Variants in CRACDL observed in about 807,000 individuals in gnomAD.
CRACDL encodes CRACD like.
In CRACDL, 26 loss-of-function variants were observed where a neutral mutation model predicts 70.6. The observed-to-expected ratio is 0.37, with a 90% CI of 0.27 to 0.51. CRACDL has a LOEUF of 0.51. Ranked by LOEUF, CRACDL falls within the 20% of genes least tolerant of loss-of-function variation. CRACDL has a pLI of 0.94. For synonymous variants in CRACDL, 618 were observed against 615.2 expected (o/e 1.00, Z -0.07); for missense variants, 1,283 against 1,376.9 (o/e 0.93, Z 1.08).
chr2:98,830,203 A>G (rs903888543), intron 5 of CRACDL, among the ~76,000 whole-genome samples: 2 of 152,244 alleles, frequency 1.3e-5, no homozygotes, highest in Non-Finnish European at 2.9e-5. Context: ...GTAAACTTTC[A>G]TCAGTTGTTA....
intron 1 of CRACDL, among the ~76,000 whole-genome samples, chr2:98,880,288 A>G (rs1362906274): frequency 6.6e-6 from 1 of 152,202 alleles, no homozygotes; most frequent in East Asian, 1.9e-4. Context: ...TGAACGAACA[A>G]GGACATTGGA....
rs1705872131 is a variant in CRACDL at position 98,838,102 on chromosome 2, T to A, written c.239+17A>T. Reference sequence around the variant, plus strand: ...ATTTAGGTGCTCCTGGCCCGAGGGATGTAAAATGCAACTTACTCCAGCTCA... The same window carrying A: ...ATTTAGGTGCTCCTGGCCCGAGGGAAGTAAAATGCAACTTACTCCAGCTCA... On this transcript the variant is annotated intron_variant, in intron 3 of 9. Coordinates refer to ENST00000397899, the MANE Select transcript of CRACDL (RefSeq NM_207362.3). The A allele has an allele frequency of 5.0e-6, 8 of 1,587,900 alleles. No homozygotes were observed. Among genetic ancestry groups the A allele is most frequent in the Non-Finnish European group, 6.0e-6 (7 of 1,168,794 alleles).
chr2:98,823,548 T>C lies in CRACDL; in HGVS notation c.736-11A>G. The C allele has an allele frequency of 6.4e-7, 1 of 1,558,194 alleles. No homozygotes were observed. The highest frequency in any genetic ancestry group is 1.4e-5 in the African/African-American group (1 of 73,676). On this transcript the variant is annotated splice_polypyrimidine_tract_variant and intron_variant, in intron 6 of 9. Coordinates refer to ENST00000397899, the MANE Select transcript of CRACDL (RefSeq NM_207362.3). The surrounding 1 kb of genome is among the most constrained non-coding windows in gnomAD (Gnocchi z 4.0). ...TTCAGACTGAGCGCGCTGAGAGAAA[T>C]AAAGATAAAAAGCATCGTCGCTATA... is the stretch of plus-strand genomic sequence containing the variant.
intron 1 of CRACDL, among the ~76,000 whole-genome samples, chr2:98,918,772 T>A (rs1453146606): frequency 6.6e-6 from 1 of 152,188 alleles, no homozygotes; most frequent in African/African-American, 2.4e-5. Context: ...TTTGCCCATG[T>A]TTTAATGGGA....
intron 1 of CRACDL, among the ~76,000 whole-genome samples, chr2:98,895,473 C>T (rs1160028723): frequency 6.6e-6 from 1 of 152,058 alleles, no homozygotes; most frequent in Non-Finnish European, 1.5e-5. Flanking sequence ...GACGAGATTC[C>T]AGGTCCAGGG....
chr2:98,909,358 C>T (rs577921236), intron 1 of CRACDL, among the ~76,000 whole-genome samples: 16 of 152,264 alleles, frequency 1.1e-4, no homozygotes, highest in African/African-American at 3.1e-4. Flanking sequence ...ATAAAAACTG[C>T]GATGTCACTG....
At chr2:98,844,230 A>C (rs1318753502) in intron 2 of CRACDL, among the ~76,000 whole-genome samples, 1 of 152,036 alleles carries the variant, frequency 6.6e-6, no homozygotes, top group Non-Finnish European at 1.5e-5. Flanking sequence ...AGATAGTTTT[A>C]TTTCTTTCTT....
rs1314779137 is a variant in CRACDL at position 98,904,291 on chromosome 2, A to G, written c.-11+31647T>C. On this transcript the variant is annotated intron_variant, in intron 1 of 9. Transcript: ENST00000397899. ...AGATCTCCAGGAAGCTCCCCACTGC[A>G]GTTACTACAGCATCACAGTTGCCAT... Among the ~76,000 whole-genome samples, 3 of 152,160 alleles carry G rather than the reference A, an allele frequency of 2.0e-5. 1 individual carries two copies. The highest frequency in any genetic ancestry group is 4.1e-4 in the South Asian group (2 of 4,824).
chr2:98,825,188 G>A lies in CRACDL; in HGVS notation c.736-1651C>T, dbSNP rs113642904. Among the ~76,000 whole-genome samples the A allele has an allele frequency of 2.7e-3, 418 of 152,240 alleles. 2 individuals are homozygous for A. The highest frequency in any genetic ancestry group is 4.7e-3 in the Admixed American group (72 of 15,286). ...TGGACACTGAAGGACAGAGGCCCCC[G>A]GCATCATAGGTTCCACAACAGTGGA... On this transcript the variant is annotated intron_variant, in intron 6 of 9. Coordinates refer to ENST00000397899, the MANE Select transcript of CRACDL (RefSeq NM_207362.3).
At chr2:98,853,282 C>T (rs1408319857) in intron 1 of CRACDL, among the ~76,000 whole-genome samples, 4 of 151,970 alleles carry the variant, frequency 2.6e-5, no homozygotes, top group African/African-American at 7.3e-5. Context: ...AACAGGCAAA[C>T]AACAATATAA....
chr2:98,922,463 A>G (rs1362348939), intron 1 of CRACDL, among the ~76,000 whole-genome samples: 3 of 151,904 alleles, frequency 2.0e-5, no homozygotes, highest in Non-Finnish European at 4.4e-5. Context: ...AAAGAAAAAG[A>G]AAAAAGAAAG....
At position 98,816,359 on chromosome 2, in the gene CRACDL, A is replaced by G. The variant is rs971076249; in HGVS notation, c.2416+5498T>C. Among the ~76,000 whole-genome samples, 6 of 152,284 alleles carry G rather than the reference A, an allele frequency of 3.9e-5. No homozygotes were observed. The East Asian group carries it at 1.2e-3, about 29-fold the overall frequency. On this transcript the variant is annotated intron_variant, in intron 7 of 9. Coordinates refer to ENST00000397899, the MANE Select transcript of CRACDL (RefSeq NM_207362.3). ...CTTTTTATGTCACTTTTAAAGTGGT[A>G]GGATTACGAGGTGATTTTACTATCA...
intron 7 of CRACDL, among the ~76,000 whole-genome samples, chr2:98,813,092 G>A (rs1384942106): frequency 1.3e-5 from 2 of 152,090 alleles, no homozygotes; most frequent in African/African-American, 4.8e-5. Flanking sequence ...CTATGCTTCA[G>A]GACCATTTGG....
At chr2:98,795,077 A>ATATATATATTTTTTTTTTTTTTT in intron 9 of CRACDL, among the ~76,000 whole-genome samples, 13 of 58,468 alleles carry the variant, frequency 2.2e-4, no homozygotes, top group African/African-American at 5.3e-4. Context: ...ATATATATAT[A>ATATATATATTTTTTTTTTTTTTT]TTTTTTTTTT....
chr2:98,916,356 G>A (rs1708665920), intron 1 of CRACDL, among the ~76,000 whole-genome samples: 1 of 152,198 alleles, frequency 6.6e-6, no homozygotes, highest in Non-Finnish European at 1.5e-5. Flanking sequence ...AGGGATTATG[G>A]ACGTGCATGA....
At chr2:98,895,429 T>C (rs929510221) in intron 1 of CRACDL, among the ~76,000 whole-genome samples, 4 of 151,996 alleles carry the variant, frequency 2.6e-5, no homozygotes, top group South Asian at 2.1e-4. Flanking sequence ...ACCAGACAAA[T>C]ACGGTGCGTG....
chr2:98,832,025 C>T (rs1215626411), intron 5 of CRACDL, among the ~76,000 whole-genome samples: 1 of 152,174 alleles, frequency 6.6e-6, no homozygotes, highest in Non-Finnish European at 1.5e-5. Flanking sequence ...CAACGTGTTT[C>T]CCTACTTCTA....
At chr2:98,801,894 G>A (rs983828160) in intron 7 of CRACDL, among the ~76,000 whole-genome samples, 3 of 152,338 alleles carry the variant, frequency 2.0e-5, no homozygotes, top group Non-Finnish European at 2.9e-5. Flanking sequence ...GTTCCTGCTG[G>A]AGGAGGGGTG....
chr2:98,928,200 T>A (rs565811402), intron 1 of CRACDL, among the ~76,000 whole-genome samples: 32 of 151,116 alleles, frequency 2.1e-4, no homozygotes, highest in East Asian at 1.2e-3. Context: ...AATAAATAAA[T>A]AAAAATAAAA....
Sources: allele counts gnomAD v4.1 joint callset (sites outside exome capture counted in the v4.1 genomes callset), GRCh38; gene constraint gnomAD v4.1.1; non-coding constraint Gnocchi (gnomAD v3.1); transcripts MANE v1.5; gene names NCBI Gene and HGNC (gene_info 2026-07-23, HGNC 2026-07-21).